Variants in S100A8 observed in about 807,000 individuals in gnomAD.
S100A8 encodes protein S100-A8.
Under a neutral mutation model 4.2 loss-of-function variants are expected in S100A8, and 1 was observed. That is an observed-to-expected ratio of 0.24 (90% CI 0.08 to 1.12). The LOEUF is 1.12. S100A8 is among the 50% of genes most tolerant of loss of function. The pLI, the probability that S100A8 is intolerant of heterozygous loss-of-function variation, is 0.53. For missense variants in S100A8, 96 were observed against 111.8 expected (o/e 0.86, Z 0.64); for synonymous variants, 41 against 44.7 (o/e 0.92, Z 0.33).
the S100A8 span, among the ~76,000 whole-genome samples, chr1:153,398,016 C>T: frequency 4.9e-4 from 74 of 152,350 alleles, no homozygotes; most frequent in East Asian, 2.9e-3. Flanking sequence ...CCCCTCACTC[C>T]GTCCCTCTCT....
chr1:153,402,427 G>GC, the S100A8 span, among the ~76,000 whole-genome samples: 6 of 152,182 alleles, frequency 3.9e-5, no homozygotes, highest in Non-Finnish European at 4.4e-5. Context: ...CAGGAGAAGG[G>GC]CCCCATGGTT....
the S100A8 span, among the ~76,000 whole-genome samples, chr1:153,397,941 T>A: frequency 6.6e-6 from 1 of 152,162 alleles, no homozygotes; most frequent in Non-Finnish European, 1.5e-5. Flanking sequence ...GTCCGGGCCA[T>A]CCTGGTACAG....
At chr1:153,405,958 T>C in the S100A8 span, among the ~76,000 whole-genome samples, 1 of 152,142 alleles carries the variant, frequency 6.6e-6, no homozygotes, top group Non-Finnish European at 1.5e-5. Flanking sequence ...CCCCAACTGC[T>C]GCACGAGTCC....
At chr1:153,411,246 A>T in the S100A8 span, among the ~76,000 whole-genome samples, 1 of 152,368 alleles carries the variant, frequency 6.6e-6, no homozygotes, top group African/African-American at 2.4e-5. Flanking sequence ...GCCTCAGCCC[A>T]AAATCTCCTT....
the S100A8 span, among the ~76,000 whole-genome samples, chr1:153,412,626 A>G: frequency 6.6e-6 from 1 of 152,220 alleles, no homozygotes; most frequent in African/African-American, 2.4e-5. Context: ...CAGCCATCAT[A>G]TTACTGGGTA....
chr1:153,416,595 G>C, the S100A8 span: 1 of 463,126 alleles, frequency 2.2e-6, no homozygotes, highest in Non-Finnish European at 4.3e-6. Context: ...GCATTTTCTA[G>C]AAGTGCCCAG....
the S100A8 span, among the ~76,000 whole-genome samples, chr1:153,415,123 G>A: frequency 2.6e-5 from 4 of 151,980 alleles, no homozygotes; most frequent in African/African-American, 7.2e-5. Flanking sequence ...TTTTATGGTT[G>A]AGTAGTATTC....
the S100A8 span, among the ~76,000 whole-genome samples, chr1:153,413,680 C>T: frequency 1.2e-4 from 19 of 152,252 alleles, no homozygotes; most frequent in African/African-American, 3.6e-4. Context: ...ATGAGTGGAT[C>T]GCTTGAGGTC....
the S100A8 span, among the ~76,000 whole-genome samples, chr1:153,399,641 G>A: frequency 1.3e-5 from 2 of 152,164 alleles, no homozygotes; most frequent in East Asian, 3.9e-4. Context: ...CTCACAGGGT[G>A]GGGACATGTG....
chr1:153,417,616 G>A, the S100A8 span, among the ~76,000 whole-genome samples: 21 of 152,282 alleles, frequency 1.4e-4, no homozygotes, highest in Non-Finnish European at 2.2e-4. Context: ...TGAAGCAGCC[G>A]AGGAGGGTCA....
the S100A8 span, among the ~76,000 whole-genome samples, chr1:153,416,978 C>G: frequency 1.3e-5 from 2 of 152,060 alleles, no homozygotes; most frequent in Non-Finnish European, 2.9e-5. Flanking sequence ...CTCCAAACCC[C>G]CAGGCCTTGG....
chr1:153,410,121 A>G, the S100A8 span, among the ~76,000 whole-genome samples: 1 of 152,342 alleles, frequency 6.6e-6, no homozygotes, highest in South Asian at 2.1e-4. Context: ...GCAAGAAATA[A>G]CTAAGATCAG....
the S100A8 span, among the ~76,000 whole-genome samples, chr1:153,404,616 C>A: frequency 3.9e-5 from 6 of 152,228 alleles, no homozygotes; most frequent in South Asian, 1.2e-3. Flanking sequence ...TTTACTTAAC[C>A]CACCATTACT....
the S100A8 span, among the ~76,000 whole-genome samples, chr1:153,415,958 T>C: frequency 1.3e-5 from 2 of 152,262 alleles, no homozygotes; most frequent in African/African-American, 2.4e-5. Context: ...TGATTTGTTG[T>C]GTTTACTAGC....
chr1:153,397,331 C>G, the S100A8 span, among the ~76,000 whole-genome samples: 3 of 152,208 alleles, frequency 2.0e-5, no homozygotes, highest in Non-Finnish European at 2.9e-5. Context: ...AATTCCCAGG[C>G]AGATGGTCAG....
At chr1:153,407,917 G>C in the S100A8 span, among the ~76,000 whole-genome samples, 1 of 152,336 alleles carries the variant, frequency 6.6e-6, no homozygotes, top group East Asian at 1.9e-4. Flanking sequence ...CTGACTGTTA[G>C]AAGGAAAACT....
chr1:153,401,583 T>C, the S100A8 span, among the ~76,000 whole-genome samples: 1 of 152,198 alleles, frequency 6.6e-6, no homozygotes, highest in Non-Finnish European at 1.5e-5. Context: ...GAAAACAATG[T>C]CCCGTGACAT....
the S100A8 span, among the ~76,000 whole-genome samples, chr1:153,418,829 C>T: frequency 6.6e-5 from 10 of 152,250 alleles, no homozygotes; most frequent in African/African-American, 2.4e-4. Flanking sequence ...GTAGGCAGTG[C>T]CCTTAAATGC....
At chr1:153,398,361 C>T in the S100A8 span, among the ~76,000 whole-genome samples, 2 of 152,182 alleles carry the variant, frequency 1.3e-5, no homozygotes, top group Non-Finnish European at 2.9e-5. Flanking sequence ...GTAATGTTTC[C>T]TAACCCCACC....
Sources: gnomAD v4.1 joint callset for allele counts (sites outside exome capture counted in the v4.1 genomes callset) on GRCh38, gnomAD v4.1.1 for gene constraint, MANE v1.5 for transcripts, NCBI Gene and HGNC (gene_info 2026-07-23, HGNC 2026-07-21) for gene names.